Variants in HS6ST3 observed in about 807,000 individuals in gnomAD.
HS6ST3 encodes the protein heparan-sulfate 6-O-sulfotransferase 3.
HS6ST3 carries 12 observed loss-of-function variants against 36.7 expected under a neutral mutation model. That is an observed-to-expected ratio of 0.33 (90% confidence interval 0.21 to 0.53). The LOEUF (loss-of-function observed/expected upper bound fraction) is 0.53, where lower values mean the gene tolerates loss of function less well. Among genes scored for constraint, HS6ST3 ranks in the 20% least tolerant of loss-of-function variants. HS6ST3 has a pLI of 0.95. For missense variants in HS6ST3, 584 were observed against 640.9 expected, an observed-to-expected ratio of 0.91 and a Z score of 0.96; for synonymous variants, 240 against 257.5, an observed-to-expected ratio of 0.93 and a Z score of 0.65.
intron 1 of HS6ST3, among the ~76,000 whole-genome samples, chr13:96,331,602 T>G (rs2055068257): frequency 6.6e-6 from 1 of 152,078 alleles, no homozygotes; most frequent in African/African-American, 2.4e-5. Flanking sequence ...GACAGGGACA[T>G]TTAAGTCTGC....
chr13:96,490,942 G>T (rs906918065), intron 1 of HS6ST3, among the ~76,000 whole-genome samples: 1 of 152,198 alleles, frequency 6.6e-6, no homozygotes, highest in Non-Finnish European at 1.5e-5. Context: ...GGCGAACCAC[G>T]CAAGAACCTT....
intron 1 of HS6ST3, among the ~76,000 whole-genome samples, chr13:96,565,305 G>A (rs911116203): frequency 6.6e-6 from 1 of 151,932 alleles, no homozygotes; most frequent in East Asian, 1.9e-4. Flanking sequence ...GTAACAGAAG[G>A]GGATACTAAT....
At chr13:96,563,238 C>T (rs1291428681) in intron 1 of HS6ST3, among the ~76,000 whole-genome samples, 1 of 152,106 alleles carries the variant, frequency 6.6e-6, no homozygotes, top group Admixed American at 6.6e-5. Context: ...CACATTATCT[C>T]AGACCCTATT....
chr13:96,519,985 A>G (rs1384497580), intron 1 of HS6ST3, among the ~76,000 whole-genome samples: 1 of 152,100 alleles, frequency 6.6e-6, no homozygotes, highest in African/African-American at 2.4e-5. Flanking sequence ...GGTTGTCTTT[A>G]TTATTTTTAG....
chr13:96,737,940 C>T (rs767681361), intron 1 of HS6ST3, among the ~76,000 whole-genome samples: 1 of 152,204 alleles, frequency 6.6e-6, no homozygotes, highest in Non-Finnish European at 1.5e-5. Context: ...TCTTGCCTCC[C>T]TTCTTCATGT....
chr13:96,599,009 A>G (rs2056412115), intron 1 of HS6ST3, among the ~76,000 whole-genome samples: 1 of 152,152 alleles, frequency 6.6e-6, no homozygotes, highest in South Asian at 2.1e-4. Context: ...CATCCCTGGC[A>G]TGAAACGTAC....
chr13:96,664,126 T>G (rs2056655520), intron 1 of HS6ST3, among the ~76,000 whole-genome samples: 2 of 152,162 alleles, frequency 1.3e-5, no homozygotes, highest in Admixed American at 6.5e-5. Flanking sequence ...TTTTGTGGTG[T>G]TATATAAAAT....
intron 1 of HS6ST3, among the ~76,000 whole-genome samples, chr13:96,347,590 G>A (rs2055161806): frequency 6.6e-6 from 1 of 152,104 alleles, no homozygotes; most frequent in East Asian, 1.9e-4. Flanking sequence ...ACTCAACCAT[G>A]GTTAACATTA....
At chr13:96,312,379 G>A (rs148468526) in intron 1 of HS6ST3, among the ~76,000 whole-genome samples, 64 of 152,056 alleles carry the variant, frequency 4.2e-4, no homozygotes, top group Non-Finnish European at 6.9e-4. Context: ...TTACATTGTC[G>A]TCAGTGAATG....
rs77834543 is a variant in HS6ST3 at position 96,172,699 on chromosome 13, G to A, written c.707+81130G>A. Reference sequence around the variant, plus strand: ...GTGGCTCAGGTGCATCTTATTTCTCGTGTTAGAAAAGATCTGATATAGTTA... The same window carrying A: ...GTGGCTCAGGTGCATCTTATTTCTCATGTTAGAAAAGATCTGATATAGTTA... On this transcript the variant is annotated intron_variant, in intron 1 of 1. Transcript: ENST00000376705. Among the ~76,000 whole-genome samples the A allele has an allele frequency of 7.9e-5, 12 of 152,182 alleles. No homozygotes were observed. In the East Asian group the frequency reaches 1.4e-3, roughly 17 times the overall value.
At chr13:96,629,464 GAT>G (rs1358321690) in intron 1 of HS6ST3, among the ~76,000 whole-genome samples, 3 of 152,104 alleles carry the variant, frequency 2.0e-5, no homozygotes, top group African/African-American at 7.2e-5. Context: ...TTGCTTTTCT[GAT>G]AATGTCTTTA....
chr13:96,607,511 A>C (rs1390098413), intron 1 of HS6ST3, among the ~76,000 whole-genome samples: 1 of 152,212 alleles, frequency 6.6e-6, no homozygotes, highest in East Asian at 1.9e-4. Flanking sequence ...GAGAACATTA[A>C]ATAAATAGTT....
At chr13:96,409,489 G>A (rs1383649640) in intron 1 of HS6ST3, among the ~76,000 whole-genome samples, 3 of 152,204 alleles carry the variant, frequency 2.0e-5, no homozygotes, top group Admixed American at 6.5e-5. Flanking sequence ...GGTGGGAAGA[G>A]TGTTGATAAT....
intron 1 of HS6ST3, among the ~76,000 whole-genome samples, chr13:96,459,955 T>C (rs765475498): frequency 1.2e-4 from 18 of 152,208 alleles, no homozygotes; most frequent in Non-Finnish European, 2.2e-4. Flanking sequence ...GAAAGGTTAT[T>C]TGCTTGATTC....
intron 1 of HS6ST3, among the ~76,000 whole-genome samples, chr13:96,445,786 T>G (rs1159900340): frequency 6.6e-5 from 10 of 152,006 alleles, no homozygotes; most frequent in Non-Finnish European, 1.3e-4. Context: ...AAGAATCACT[T>G]GGACCCAGGA....
chr13:96,321,861 A>C (rs2055004588), intron 1 of HS6ST3, among the ~76,000 whole-genome samples: 1 of 152,148 alleles, frequency 6.6e-6, no homozygotes, highest in African/African-American at 2.4e-5. Flanking sequence ...ACAGCCATGA[A>C]TCTCAAATGA....
At chr13:96,423,208 T>G (rs1192397942) in intron 1 of HS6ST3, among the ~76,000 whole-genome samples, 1 of 152,196 alleles carries the variant, frequency 6.6e-6, no homozygotes, top group Non-Finnish European at 1.5e-5. Flanking sequence ...TATTTTACTT[T>G]AAATCAAAAT....
At chr13:96,775,985 A>G (rs1291160874) in intron 1 of HS6ST3, among the ~76,000 whole-genome samples, 1 of 152,198 alleles carries the variant, frequency 6.6e-6, no homozygotes, top group Non-Finnish European at 1.5e-5. Flanking sequence ...ATCATAACAA[A>G]TAGTCTCTTG....
chr13:96,099,645 C>T (rs1383926122), intron 1 of HS6ST3, among the ~76,000 whole-genome samples: 3 of 152,126 alleles, frequency 2.0e-5, no homozygotes, highest in Non-Finnish European at 4.4e-5. Flanking sequence ...TTGGTAAGTA[C>T]TGTGTCATTT....
Sources: gnomAD v4.1 joint callset for allele counts (sites outside exome capture counted in the v4.1 genomes callset) on GRCh38, gnomAD v4.1.1 for gene constraint, MANE v1.5 for transcripts, NCBI Gene and HGNC (gene_info 2026-07-23, HGNC 2026-07-21) for gene names.